GLG1: variants seen among roughly 807,000 people sequenced by gnomAD.
GLG1 encodes the protein Golgi apparatus protein 1.
A neutral mutation model predicts 160.5 loss-of-function variants in GLG1; 38 were observed. The ratio of observed to expected loss-of-function variants is 0.24; its 90% CI spans 0.18 to 0.31. GLG1 has a LOEUF of 0.31. Ranked by LOEUF, GLG1 falls within the 10% of genes least tolerant of loss-of-function variation. GLG1 has a pLI of 1.00. For synonymous variants in GLG1, 644 were observed against 543.4 expected, an observed-to-expected ratio of 1.19 and a Z score of -2.57; for missense variants, 1,373 against 1,505.2, an observed-to-expected ratio of 0.91 and a Z score of 1.45.
At chr16:74,476,420 G>C (rs1205216275) in intron 12 of GLG1, among the ~76,000 whole-genome samples, 1 of 152,132 alleles carries the variant, frequency 6.6e-6, no homozygotes, top group East Asian at 1.9e-4. Context: ...GAACATGATA[G>C]TCCTATGCTC....
intron 13 of GLG1, among the ~76,000 whole-genome samples, chr16:74,473,438 T>TTA (rs1555507911): frequency 5.8e-4 from 1 of 1,720 alleles, no homozygotes; most frequent in East Asian, 0.045. Flanking sequence ...GGTCTTGACC[T>TTA]TTTTTTTTTT....
At chr16:74,602,283 G>C (rs944728018) in intron 1 of GLG1, among the ~76,000 whole-genome samples, 19 of 152,232 alleles carry the variant, frequency 1.2e-4, no homozygotes, top group Middle Eastern at 3.4e-3. Context: ...TCAAGAAAAG[G>C]TGGCAAGAAA....
intron 8 of GLG1, among the ~76,000 whole-genome samples, chr16:74,486,968 C>T (rs1378912806): frequency 1.3e-5 from 2 of 149,658 alleles, no homozygotes; most frequent in African/African-American, 4.9e-5. Flanking sequence ...GGCTGGAGTG[C>T]AGTGGCATGA....
At position 74,459,679 on chromosome 16, in the gene GLG1, T is replaced by G; in HGVS notation, c.3144+3A>C. The G allele has an allele frequency of 7.0e-7, 1 of 1,422,304 alleles. No individual in the cohort carries two copies. The highest frequency in any genetic ancestry group is 9.8e-7 in the Non-Finnish European group (1 of 1,015,558). The allele number at this position is 1,422,304 out of a possible 1,614,324, so 88.1% of individuals were successfully genotyped here. A position where few individuals can be genotyped will look rare whatever the true frequency, so the allele number is the denominator to read the frequency against. ...GTGAGGAAAAGAAGGTGACGGTGGT[T>G]ACCTTTTTACACAATTCTGTTTTGA... On this transcript the variant is annotated splice_donor_region_variant and intron_variant, in intron 23 of 25. Transcript: ENST00000422840.
intron 16 of GLG1, chr16:74,469,464 G>C (rs942985704): frequency 4.9e-6 from 1 of 204,874 alleles, no homozygotes; most frequent in Non-Finnish European, 1.0e-5. Context: ...GTTTGTATGA[G>C]GGCAAGTGTT....
At chr16:74,465,880 A>G in intron 18 of GLG1, 67 bp from the exon 19 acceptor site, 3 of 1,372,746 alleles carry the variant, frequency 2.2e-6, no homozygotes, top group Admixed American at 1.7e-5. Context: ...GTTCTGATTG[A>G]AACATTCAGC....
intron 22 of GLG1, among the ~76,000 whole-genome samples, chr16:74,460,702 T>C (rs1389893914): frequency 2.6e-5 from 4 of 152,200 alleles, no homozygotes; most frequent in Non-Finnish European, 5.9e-5. Context: ...GATGCCAGGC[T>C]TCATTCTTCA....
At chr16:74,562,806 G>A (rs901702273) in intron 1 of GLG1, among the ~76,000 whole-genome samples, 1 of 152,088 alleles carries the variant, frequency 6.6e-6, no homozygotes, top group Non-Finnish European at 1.5e-5. Context: ...CACCCACTGA[G>A]GACATTCAAA....
At chr16:74,465,605 G>C in intron 19 of GLG1, 71 bp downstream of exon 19, 1 of 1,493,232 alleles carries the variant, frequency 6.7e-7, no homozygotes, top group Non-Finnish European at 9.3e-7. Flanking sequence ...GCCTGAGGAA[G>C]TTGCTGCCAT....
intron 15 of GLG1, among the ~76,000 whole-genome samples, chr16:74,470,544 G>A (rs1283302168): frequency 1.3e-5 from 2 of 149,464 alleles, no homozygotes; most frequent in African/African-American, 2.5e-5. Flanking sequence ...TGCCTCCCGG[G>A]TTCAAGTGAT....
chr16:74,588,840 G>C (rs1467504002), intron 1 of GLG1, among the ~76,000 whole-genome samples: 1 of 151,926 alleles, frequency 6.6e-6, no homozygotes, highest in African/African-American at 2.4e-5. Flanking sequence ...CTACAAATAA[G>C]ATTAAAAGGG....
rs576847079 is a variant in GLG1 at position 74,452,602 on chromosome 16, C to T, written c.*565G>A. The T allele has an allele frequency of 2.3e-4, 235 of 1,001,158 alleles. No individual in the cohort carries two copies. In the Middle Eastern group the frequency reaches 5.1e-3, roughly 22 times the overall value. 62.0% of individuals were successfully genotyped at this position (1,001,158 alleles called of 1,614,324 possible). A position where few individuals can be genotyped will look rare whatever the true frequency, so the allele number is the denominator to read the frequency against. ...AGCCTGGGGAACGGCTGCCCACCCA[C>T]GCCTCGGTGAAGACCACGGCCCTGG... On this transcript the variant is annotated 3_prime_UTR_variant, in exon 26 of 26. Transcript: ENST00000422840.
In GLG1 at chr16:74,503,734, C is replaced by G. The variant is rs768320443; in HGVS notation, c.571G>C (p.Ala191Pro). The G allele has an allele frequency of 6.2e-7, 1 of 1,608,726 alleles. No individual in the cohort carries two copies. Among genetic ancestry groups the G allele is most frequent in the Non-Finnish European group, 8.5e-7 (1 of 1,175,148 alleles). Residue 191 changes from alanine to proline, a missense_variant, in exon 4 of 26, where the codon GCT (alanine) becomes CCT (proline). Coordinates refer to ENST00000422840, the MANE Select transcript of GLG1 (RefSeq NM_001145667.2). ...TAACCTTTTCCAACCGGTTCATCAG[C>G]ACATTCTTTAATCTGCTCAAAATAA... is the stretch of plus-strand genomic sequence containing the variant. Reference protein sequence around the residue: ...KSTITEIKECADEPVGKGYMV... With the variant: ...KSTITEIKECPDEPVGKGYMV...
Position 74,457,531 on chromosome 16 carries a change from G to A in GLG1, c.3265+343C>T, listed in dbSNP as rs556902310. ...GTCTACTGAGTCCACTGTCGTCACCGGGGAAGTGTGTGAAGCTGGCTTCTA... is the reference window on the plus strand; with the variant it reads ...GTCTACTGAGTCCACTGTCGTCACCAGGGAAGTGTGTGAAGCTGGCTTCTA... On this transcript the variant is annotated intron_variant, in intron 24 of 25. Coordinates refer to ENST00000422840, the MANE Select transcript of GLG1 (RefSeq NM_001145667.2). Among the ~76,000 whole-genome samples the A allele has an allele frequency of 8.5e-5, 13 of 152,264 alleles. No individual in the cohort carries two copies. The South Asian group carries it at 1.9e-3, about 22-fold the overall frequency.
At chr16:74,588,629 G>C (rs1188597039) in intron 1 of GLG1, among the ~76,000 whole-genome samples, 2 of 151,936 alleles carry the variant, frequency 1.3e-5, no homozygotes, top group Non-Finnish European at 2.9e-5. Context: ...ATGTTGCCCA[G>C]GCTGATCTCA....
chr16:74,459,864 TTTA>T, intron 22 of GLG1, 75 bp from the exon 23 acceptor site: 1 of 787,464 alleles, frequency 1.3e-6, no homozygotes, highest in Non-Finnish European at 2.0e-6. Context: ...CTTTTTTTTT[TTTA>T]TTTTTTGAAA....
chr16:74,606,873 C>T lies in GLG1; in HGVS notation c.222G>A (p.Gln74=). The T allele has an allele frequency of 1.2e-6, 2 of 1,600,344 alleles. No individual in the cohort carries two copies. The highest frequency in any genetic ancestry group is 1.7e-6 in the Non-Finnish European group (2 of 1,174,820). ...PQLPQSSQLQ[Q]QQQQQQQQQQ... ...GTTGCTGTTGCTGCTGCTGCTGTTG[C>T]TGCTGAAGCTGCGATGACTGAGGCA... The change falls in exon 1 of 26, where the codon CAG becomes CAA. Residue 74 remains glutamine, a synonymous_variant. Coordinates refer to ENST00000422840, the MANE Select transcript of GLG1 (RefSeq NM_001145667.2).
At chr16:74,513,305 G>A (rs1415731278) in intron 2 of GLG1, among the ~76,000 whole-genome samples, 1 of 152,094 alleles carries the variant, frequency 6.6e-6, no homozygotes, top group African/African-American at 2.4e-5. Context: ...ATTAGGGTGT[G>A]GGCTAGGGGA....
chr16:74,557,893 T>C lies in GLG1; in HGVS notation c.439-25740A>G, dbSNP rs569435110. ...AGCCACCAGGCCTGGCCATAGAAAG[T>C]GTCCTGTCTTGAAGATTGTGCTGAG... is the stretch of plus-strand genomic sequence containing the variant. On this transcript the variant is annotated intron_variant, in intron 1 of 25. Transcript: ENST00000422840. Among the ~76,000 whole-genome samples, 5 of 152,168 alleles carry C rather than the reference T, an allele frequency of 3.3e-5. No individual in the cohort carries two copies. In the South Asian group the frequency reaches 8.3e-4, roughly 25 times the overall value.
Sources: gnomAD v4.1 joint callset for allele counts (sites outside exome capture counted in the v4.1 genomes callset) on GRCh38, gnomAD v4.1.1 for gene constraint, MANE v1.5 for transcripts, NCBI Gene and HGNC (gene_info 2026-07-23, HGNC 2026-07-21) for gene names.